The following WDR77 variants were observed in gnomAD, a reference collection of about 807,000 sequenced individuals.
WDR77 encodes WD repeat domain 77, also known as methylosome protein WDR77.
WDR77 carries 31 observed loss-of-function variants against 44.0 expected under a neutral mutation model. The ratio of observed to expected loss-of-function variants is 0.70; its 90% CI spans 0.53 to 0.95. The LOEUF (loss-of-function observed/expected upper bound fraction) is 0.95, where lower values mean the gene tolerates loss of function less well. Among genes scored for constraint, WDR77 ranks in the 40% least tolerant of loss-of-function variants. WDR77 has a pLI of 0.00. For synonymous variants in WDR77, 186 were observed against 165.7 expected, an observed-to-expected ratio of 1.12 and a Z score of -0.94; for missense variants, 390 against 423.9, an observed-to-expected ratio of 0.92 and a Z score of 0.70.
intron 7 of WDR77, among the ~76,000 whole-genome samples, 200 bp from the exon 8 acceptor site, chr1:111,442,961 C>T (rs1373293091): frequency 6.6e-6 from 1 of 152,194 alleles, no homozygotes; most frequent in African/African-American, 2.4e-5. Context: ...TAACCACAAA[C>T]TATGTCACCA....
intron 4 of WDR77, 134 bp downstream of exon 4, chr1:111,446,961 A>G: frequency 1.2e-6 from 1 of 859,724 alleles, no homozygotes; most frequent in South Asian, 1.6e-5. Context: ...CAAGGAGTAG[A>G]TACCGGAGCC....
chr1:111,444,718 AAAAG>A (rs1652954592), intron 4 of WDR77, among the ~76,000 whole-genome samples: 1 of 152,360 alleles, frequency 6.6e-6, no homozygotes, highest in Non-Finnish European at 1.5e-5. Flanking sequence ...CCAAAGAGCA[AAAAG>A]AAAGAGCATC....
Position 111,442,742 on chromosome 1 carries a change from G to C in WDR77, c.711C>G (p.Val237=), listed in dbSNP as rs1215397625. Residue 237 remains valine, a synonymous_variant, in exon 8 of 10, where the codon GTC becomes GTG. Coordinates refer to ENST00000235090, the MANE Select transcript of WDR77 (RefSeq NM_024102.4). The part of the protein sequence containing the change: ...VFVFGDENGT[V]SLVDTKSTSC... Reference sequence around the variant, plus strand: ...TTGTACTCTTGGTGTCCACAAGGGAGACTGTCCCATTCTCATCACCTGTAG... The same window carrying C: ...TTGTACTCTTGGTGTCCACAAGGGACACTGTCCCATTCTCATCACCTGTAG... The C allele has an allele frequency of 1.0e-5, 16 of 1,594,918 alleles. No individual in the cohort carries two copies. Among genetic ancestry groups the C allele is most frequent in the East Asian group, 2.3e-5 (1 of 44,258 alleles).
intron 9 of WDR77, chr1:111,441,683 C>A (rs1347061834): frequency 1.1e-6 from 1 of 934,658 alleles, no homozygotes; most frequent in Non-Finnish European, 1.4e-6. Flanking sequence ...TTCAGGTCTT[C>A]CAGGTGCTGC....
chr1:111,443,662 C>G, intron 6 of WDR77: 1 of 985,378 alleles, frequency 1.0e-6, no homozygotes, highest in Non-Finnish European at 1.2e-6. Flanking sequence ...AAGTAAATCA[C>G]CCACCCAGGA....
chr1:111,442,380 C>T (rs956392074), intron 8 of WDR77, among the ~76,000 whole-genome samples: 9 of 152,180 alleles, frequency 5.9e-5, no homozygotes, highest in Admixed American at 5.9e-4. Flanking sequence ...ATCTCACAGT[C>T]CTAGAAGCCC....
At chr1:111,448,559 C>CA in intron 2 of WDR77, 60 bp downstream of exon 2, 1 of 1,603,526 alleles carries the variant, frequency 6.2e-7, no homozygotes, top group Non-Finnish European at 8.5e-7. Context: ...TACGGTACCC[C>CA]AAGTCTCCAT....
At chr1:111,447,238 C>T in intron 3 of WDR77, 94 bp from the exon 4 acceptor site, 1 of 1,531,166 alleles carries the variant, frequency 6.5e-7, no homozygotes, top group Non-Finnish European at 9.0e-7. Context: ...CAACATTCCC[C>T]AAGTCTTTGC....
rs1210447230 is a variant in WDR77 at position 111,447,511 on chromosome 1, C to A, written c.367G>T (p.Glu123Ter). Reference sequence around the variant, plus strand: ...ACTGTAGACACAATGTCATCATGCTCATACTTGCAGAACTTGCTGACAATA... The same window carrying A: ...ACTGTAGACACAATGTCATCATGCTAATACTTGCAGAACTTGCTGACAATA... Reference protein sequence around the residue: ...TLIVSKFCKYEHDDIVSTVSV... With the variant: ...TLIVSKFCKY The change falls in exon 3 of 10, where the codon GAG becomes TAG. Residue 123 changes from glutamate to a stop codon, truncating the protein, a stop_gained. Transcript: ENST00000235090. LOFTEE classifies it high-confidence loss of function. 6.2e-7 allele frequency: 1 copy of A among 1,614,208 alleles called. No individual in the cohort carries two copies. The highest frequency in any genetic ancestry group is 8.5e-7 in the Non-Finnish European group (1 of 1,180,038).
rs2101737823 is a variant in WDR77 at position 111,440,188 on chromosome 1, G to A, written c.*1042C>T. 6.6e-6 allele frequency: 1 copy of A among 152,202 alleles called. No individual in the cohort carries two copies. The highest frequency in any genetic ancestry group is 1.5e-5 in the Non-Finnish European group (1 of 68,010). The allele number at this position is 152,202 out of a possible 1,614,324, so 9.4% of individuals were successfully genotyped here. ...GCTGGGGAAGCACAGGAAAAATAATGGGCTACAAGACCAACACCATGATGA... is the reference window on the plus strand; with the variant it reads ...GCTGGGGAAGCACAGGAAAAATAATAGGCTACAAGACCAACACCATGATGA... On this transcript the variant is annotated 3_prime_UTR_variant, in exon 10 of 10. Coordinates refer to ENST00000235090, the MANE Select transcript of WDR77 (RefSeq NM_024102.4).
At chr1:111,446,882 T>A in intron 4 of WDR77, 1 of 561,350 alleles carries the variant, frequency 1.8e-6, no homozygotes, top group Non-Finnish European at 3.2e-6. Context: ...TTCCTCCCTT[T>A]TCACTACTGC....
chr1:111,444,059 T>C lies in WDR77; in HGVS notation c.559A>G (p.Ser187Gly), dbSNP rs989537811. The part of the protein sequence containing the change: ...PHKDSVFLSC[S>G]EDNRILLWDT... ...AAGAAGGAGCTATCTCTTACCTCGC[T>C]GCATGAAAGAAACACAGAGTCCTTG... The change falls in exon 5 of 10, where the codon AGC (serine) becomes GGC (glycine). Residue 187 changes from serine to glycine, a missense_variant. Physicochemically the swap from Ser to Gly is moderately conservative, Grantham distance 56 (BLOSUM62 0). Transcript: ENST00000235090. 3 of 1,614,004 alleles carry C rather than the reference T, an allele frequency of 1.9e-6. No individual in the cohort carries two copies. The highest frequency in any genetic ancestry group is 1.7e-6 in the Non-Finnish European group (2 of 1,180,034).
intron 4 of WDR77, 22 bp downstream of exon 4, chr1:111,447,073 C>G (rs369852697): frequency 6.1e-5 from 99 of 1,613,514 alleles, no homozygotes; most frequent in Non-Finnish European, 8.2e-5. Context: ...AACACCAGGG[C>G]TAAAAATGAA....
chr1:111,443,811 G>A, intron 6 of WDR77, 56 bp downstream of exon 6: 1 of 1,612,294 alleles, frequency 6.2e-7, no homozygotes, highest in Non-Finnish European at 8.5e-7. Flanking sequence ...GCCAAAGACA[G>A]TCTCTTCTAT....
intron 6 of WDR77, 138 bp from the exon 7 acceptor site, chr1:111,443,532 T>C (rs1191408800): frequency 1.6e-6 from 2 of 1,267,472 alleles, no homozygotes; most frequent in Non-Finnish European, 2.2e-6. Flanking sequence ...TCCTCATCCT[T>C]GAGCCTCATA....
chr1:111,448,654 A>G lies in WDR77; in HGVS notation c.266T>C (p.Val89Ala). ...TEAGVADLTW[V>A]GERGILVASD... ...GGCCACTAGAATACCTCTCTCCCCA[A>G]CCCAAGTGAGGTCAGCCACTCCAGC... is the stretch of plus-strand genomic sequence containing the variant. The change falls in exon 2 of 10, where the codon GTT becomes GCT. Residue 89 changes from valine (V) to alanine (A), a missense_variant. Val to Ala is a moderately conservative substitution (Grantham distance 64, BLOSUM62 0). Coordinates refer to ENST00000235090, the MANE Select transcript of WDR77 (RefSeq NM_024102.4). 6.2e-7 allele frequency: 1 copy of G among 1,614,014 alleles called. No homozygotes were observed. The highest frequency in any genetic ancestry group is 8.5e-7 in the Non-Finnish European group (1 of 1,179,986).
chr1:111,448,534 T>C (rs1653151177), intron 2 of WDR77, 85 bp downstream of exon 2: 1 of 1,530,556 alleles, frequency 6.5e-7, no homozygotes, highest in Non-Finnish European at 9.0e-7. Context: ...GGACGTTAGA[T>C]ATTGAGCTCA....
At chr1:111,448,887 G>A (rs1053010359) in intron 1 of WDR77, 83 bp from the exon 2 acceptor site, 9 of 1,545,576 alleles carry the variant, frequency 5.8e-6, no homozygotes, top group Non-Finnish European at 7.8e-6. Flanking sequence ...GTTCCGGCCG[G>A]GTCTGGATCT....
chr1:111,443,702 C>G, intron 6 of WDR77, 165 bp downstream of exon 6: 1 of 985,406 alleles, frequency 1.0e-6, no homozygotes, highest in South Asian at 4.7e-5. Flanking sequence ...ATTCATTGCA[C>G]AGAATGGGGT....
Sources: gnomAD v4.1 joint callset for allele counts (sites outside exome capture counted in the v4.1 genomes callset) on GRCh38, gnomAD v4.1.1 for gene constraint, MANE v1.5 for transcripts, NCBI Gene and HGNC (gene_info 2026-07-23, HGNC 2026-07-21) for gene names.